GSK3B: variants seen among roughly 807,000 people sequenced by gnomAD.
GSK3B encodes glycogen synthase kinase 3 beta.
GSK3B carries 15 observed loss-of-function variants against 56.4 expected under a neutral mutation model. That is an observed-to-expected ratio of 0.27 (90% confidence interval 0.18 to 0.41). GSK3B has a LOEUF of 0.41. Ranked by LOEUF, GSK3B falls within the 10% of genes least tolerant of loss-of-function variation. The pLI is 1.00. For synonymous variants in GSK3B, 181 were observed against 188.9 expected, an observed-to-expected ratio of 0.96 and a Z score of 0.34; for missense variants, 300 against 513.4, an observed-to-expected ratio of 0.58 and a Z score of 4.02.
intron 2 of GSK3B, among the ~76,000 whole-genome samples, chr3:119,989,051 A>G (rs1339029040): frequency 2.0e-5 from 3 of 152,182 alleles, no homozygotes; most frequent in African/African-American, 7.2e-5. Context: ...TTTCCAAAAT[A>G]AGTCGGGCTT....
intron 2 of GSK3B, among the ~76,000 whole-genome samples, chr3:119,957,332 A>G (rs750151559): frequency 6.6e-6 from 1 of 152,196 alleles, no homozygotes; most frequent in Non-Finnish European, 1.5e-5. Flanking sequence ...ACTTTTCCCA[A>G]TCAGTTACAC....
chr3:119,936,581 C>T (rs941275960), intron 3 of GSK3B, among the ~76,000 whole-genome samples: 6 of 151,748 alleles, frequency 4.0e-5, no homozygotes, highest in Admixed American at 3.9e-4. Flanking sequence ...CTCCTGACCT[C>T]AGGTGATCCA....
intron 1 of GSK3B, among the ~76,000 whole-genome samples, chr3:120,005,475 T>A (rs2057718745): frequency 6.6e-6 from 1 of 150,986 alleles, no homozygotes; most frequent in Admixed American, 6.6e-5. Flanking sequence ...CACATAATTG[T>A]CAGATTCACC....
At chr3:119,957,430 A>T (rs947556359) in intron 2 of GSK3B, among the ~76,000 whole-genome samples, 1 of 152,216 alleles carries the variant, frequency 6.6e-6, no homozygotes, top group Non-Finnish European at 1.5e-5. Flanking sequence ...GGACTTTTAT[A>T]TCCTGACAGG....
chr3:119,879,203 C>T (rs149740953), intron 7 of GSK3B, among the ~76,000 whole-genome samples: 408 of 152,198 alleles, frequency 2.7e-3, no homozygotes, highest in African/African-American at 8.7e-3. Context: ...TATTTAGAGA[C>T]GGAGTCTCAC....
intron 2 of GSK3B, among the ~76,000 whole-genome samples, chr3:119,963,625 C>CAAAAAAAAAAAAAAAAAAAAAAAAA (rs774359104): frequency 6.3e-5 from 5 of 79,176 alleles, no homozygotes; most frequent in African/African-American, 1.7e-4. Flanking sequence ...TTCTTCCCCA[C>CAAAAAAAAAAAAAAAAAAAAAAAAA]AAAAAAAAAA....
At chr3:119,913,869 T>G (rs1431515608) in intron 5 of GSK3B, among the ~76,000 whole-genome samples, 2 of 152,116 alleles carry the variant, frequency 1.3e-5, no homozygotes, top group African/African-American at 4.8e-5. Context: ...TTTCATAAAT[T>G]AATAAATACT....
intron 2 of GSK3B, among the ~76,000 whole-genome samples, chr3:119,966,522 A>G (rs1221784237): frequency 6.6e-6 from 1 of 152,246 alleles, no homozygotes; most frequent in Non-Finnish European, 1.5e-5. Flanking sequence ...GGAAAATAAG[A>G]AACCCTAGTA....
chr3:120,001,519 GCAC>G (rs1399165399), intron 2 of GSK3B, among the ~76,000 whole-genome samples: 3 of 152,290 alleles, frequency 2.0e-5, no homozygotes, highest in Admixed American at 2.0e-4. Context: ...GCAGATGTCT[GCAC>G]CACACTTCCT....
chr3:120,074,708 C>T (rs1215906024), intron 1 of GSK3B, among the ~76,000 whole-genome samples: 2 of 151,752 alleles, frequency 1.3e-5, no homozygotes, highest in Non-Finnish European at 1.5e-5. Flanking sequence ...AAGGTTGAAT[C>T]AGAAAAAAAA....
rs554976616 is a variant in GSK3B, at chr3:120,086,195, G to GA, written c.88+7151dup. Among the ~76,000 whole-genome samples, 1,261 of 134,656 alleles carry GA rather than the reference G, an allele frequency of 9.4e-3. 4 individuals are homozygous for GA. The highest frequency in any genetic ancestry group is 0.025 in the African/African-American group (909 of 36,868). The allele number at this position is 134,656 out of a possible 152,430, so 88.3% of individuals were successfully genotyped here. On this transcript the variant is annotated intron_variant, in intron 1 of 10. Transcript: ENST00000264235. ...CAGCAATTCCATATATACTAAGGAG[G>GA]AAAAAAAAAAAAACAGAAATAGTAA...
intron 7 of GSK3B, among the ~76,000 whole-genome samples, chr3:119,880,022 T>C (rs1353194018): frequency 6.6e-6 from 1 of 152,172 alleles, no homozygotes; most frequent in African/African-American, 2.4e-5. Context: ...GCTCTATTTT[T>C]AGTTTTTTTA....
intron 1 of GSK3B, among the ~76,000 whole-genome samples, chr3:120,035,956 CT>C (rs990739475): frequency 6.6e-6 from 1 of 152,106 alleles, no homozygotes; most frequent in Non-Finnish European, 1.5e-5. Context: ...ACTCTGATGC[CT>C]TTTACTTCTT....
intron 8 of GSK3B, among the ~76,000 whole-genome samples, chr3:119,865,455 TATATATATATA>T (rs1385666643): frequency 1.0e-4 from 2 of 19,704 alleles, no homozygotes; most frequent in Non-Finnish European, 2.7e-4. Context: ...TATATATATA[TATATATATATA>T]TTTTTTTTTT....
At chr3:119,857,007 C>T (rs537762370) in intron 9 of GSK3B, among the ~76,000 whole-genome samples, 139 of 152,208 alleles carry the variant, frequency 9.1e-4, no homozygotes, top group African/African-American at 3.1e-3. Flanking sequence ...CCTACACTAT[C>T]GTCTATTAAG....
chr3:120,071,399 C>G (rs1398117539), intron 1 of GSK3B, among the ~76,000 whole-genome samples: 1 of 152,134 alleles, frequency 6.6e-6, no homozygotes, highest in Admixed American at 6.5e-5. Flanking sequence ...AGGAACCAGA[C>G]CGCACAGCAG....
Position 120,004,767 on chromosome 3 carries a change from T to G in GSK3B, c.89-2528A>C, listed in dbSNP as rs939969309. Reference sequence around the variant, plus strand: ...GACATCCACACCAAAACCCCATACGTAGGCCACCAACATCAAAGACCAAAG... The same window carrying G: ...GACATCCACACCAAAACCCCATACGGAGGCCACCAACATCAAAGACCAAAG... On this transcript the variant is annotated intron_variant, in intron 1 of 10. Transcript: ENST00000264235. Among the ~76,000 whole-genome samples, 3 of 152,090 alleles carry G rather than the reference T, an allele frequency of 2.0e-5. No individual in the cohort carries two copies. The East Asian group carries it at 5.8e-4, about 29-fold the overall frequency.
In GSK3B at chr3:119,910,599, C is replaced by T. The variant is rs147840267; in HGVS notation, c.715+2105G>A. On this transcript the variant is annotated intron_variant, in intron 6 of 10. Coordinates refer to ENST00000264235, the MANE Select transcript of GSK3B (RefSeq NM_001146156.2). Reference sequence around the variant, plus strand: ...AGGGTGGCAGTTGCTGAAGGCTATACGATGTGGCTGGAGTAATTTCTTAAA... The same window carrying T: ...AGGGTGGCAGTTGCTGAAGGCTATATGATGTGGCTGGAGTAATTTCTTAAA... Among the ~76,000 whole-genome samples the T allele has an allele frequency of 2.8e-4, 43 of 152,254 alleles. 1 individual carries two copies. The East Asian group carries it at 7.7e-3, about 27-fold the overall frequency.
At chr3:119,884,091 C>A (rs1214467880) in intron 7 of GSK3B, among the ~76,000 whole-genome samples, 1 of 151,912 alleles carries the variant, frequency 6.6e-6, no homozygotes, top group African/African-American at 2.4e-5. Context: ...GATGGGCATA[C>A]AAATATACAG....
Sources: gnomAD v4.1 joint callset for allele counts (sites outside exome capture counted in the v4.1 genomes callset) on GRCh38, gnomAD v4.1.1 for gene constraint, MANE v1.5 for transcripts, NCBI Gene and HGNC (gene_info 2026-07-23, HGNC 2026-07-21) for gene names.